TLR5: variants seen among roughly 807,000 people sequenced by gnomAD.
The protein encoded by TLR5 is toll-like receptor 5.
For missense variants in TLR5, 944 were observed against 999.8 expected, an observed-to-expected ratio of 0.94 and a Z score of 0.75; for synonymous variants, 373 against 384.4, an observed-to-expected ratio of 0.97 and a Z score of 0.35.
chr1:223,122,438 G>A (rs2102898947), intron 5 of TLR5, among the ~76,000 whole-genome samples: 1 of 152,298 alleles, frequency 6.6e-6, no homozygotes, highest in South Asian at 2.1e-4. Flanking sequence ...CTTACTCAGT[G>A]GTACCTGGGG....
rs1657947088 is a variant in TLR5 at position 223,143,025 on chromosome 1, G to C, written c.-555+171C>G. The stretch of plus-strand genomic sequence containing the variant: ...CGTCTCGCGGGTGCCGCGGGGCAGA[G>C]AGCGCCGCCTAGTGAGGCGGCGCGA... On this transcript the variant is annotated intron_variant, in intron 1 of 5. Coordinates refer to ENST00000642603, the MANE Select transcript of TLR5 (RefSeq NM_003268.6). 3.3e-5 allele frequency among the ~76,000 whole-genome samples: 5 copies of C among 152,280 alleles called. No homozygotes were observed. The South Asian group carries it at 1.0e-3, about 32-fold the overall frequency.
chr1:223,128,741 T>C (rs1394967326), intron 5 of TLR5: 2 of 151,990 alleles, frequency 1.3e-5, no homozygotes, highest in Non-Finnish European at 2.9e-5. Flanking sequence ...TGCAGGTGAG[T>C]CTTCATTTGC....
chr1:223,140,802 CCAGT>C (rs1047151215), intron 2 of TLR5, among the ~76,000 whole-genome samples: 7 of 152,196 alleles, frequency 4.6e-5, no homozygotes, highest in African/African-American at 9.7e-5. Context: ...TCTTCCTTTC[CCAGT>C]CAGTCTGCAC....
At chr1:223,141,822 T>TAGAGAGAGAGAGAGAG (rs71592351) in intron 1 of TLR5, 59 bp from the exon 2 acceptor site, 1 of 42,986 alleles carries the variant, frequency 2.3e-5, no homozygotes, top group African/African-American at 9.4e-5. Flanking sequence ...TATATATATA[T>TAGAGAGAGAGAGAGAG]AGAGAGAGAG....
chr1:223,110,750 T>C lies in TLR5; in HGVS notation c.2282A>G (p.His761Arg). 2 of 1,614,242 alleles carry C rather than the reference T, an allele frequency of 1.2e-6. No individual in the cohort carries two copies. The highest frequency in any genetic ancestry group is 1.7e-6 in the Non-Finnish European group (2 of 1,180,032). ...AAGGCACCAGCCATCTCTAAGGAAG[T>C]GTCTGCTCACAAGACAAACGATCTT... ...SRKIVCLVSR[H>R]FLRDGWCLEA... The change falls in exon 6 of 6, where the codon CAC (histidine) becomes CGC (arginine). Residue 761 changes from histidine to arginine, a missense_variant. Coordinates refer to ENST00000642603, the MANE Select transcript of TLR5 (RefSeq NM_003268.6).
rs543625990 is a variant in TLR5, at chr1:223,117,184, C to T, written c.-4-4149G>A. On this transcript the variant is annotated intron_variant, in intron 5 of 5. Transcript: ENST00000642603. Reference sequence around the variant, plus strand: ...GTGCTGGGGGACCCGGGGCCCCCTTCGCAGCTCCTGGCCCGGGTGCTAAGC... The same window carrying T: ...GTGCTGGGGGACCCGGGGCCCCCTTTGCAGCTCCTGGCCCGGGTGCTAAGC... Among the ~76,000 whole-genome samples the T allele has an allele frequency of 2.9e-3, 438 of 152,258 alleles. 4 individuals carry two copies. The highest frequency in any genetic ancestry group is 9.4e-3 in the African/African-American group (392 of 41,568).
chr1:223,116,425 T>C (rs965763116), intron 5 of TLR5, among the ~76,000 whole-genome samples: 2 of 152,152 alleles, frequency 1.3e-5, no homozygotes, highest in Admixed American at 1.3e-4. Context: ...TCCGGAGTTG[T>C]TCATTCCTCC....
chr1:223,112,281 T>C lies in TLR5; in HGVS notation c.751A>G (p.Ser251Gly). The change falls in exon 6 of 6, where the codon AGC becomes GGC. Residue 251 changes from serine (S) to glycine (G), a missense_variant. Coordinates refer to ENST00000642603, the MANE Select transcript of TLR5 (RefSeq NM_003268.6). ...DITGNFSNAI[S>G]KSQAFSLILA... ...ATCAAAGAGAAGGCCTGGCTTTTGC[T>C]GATGGCATTGCTAAAGTTTCCTGTG... The C allele has an allele frequency of 6.2e-7, 1 of 1,614,230 alleles. No homozygotes were observed. The highest frequency in any genetic ancestry group is 8.5e-7 in the Non-Finnish European group (1 of 1,180,048).
At chr1:223,115,249 TTTTA>T (rs1180009095) in intron 5 of TLR5, among the ~76,000 whole-genome samples, 1 of 152,170 alleles carries the variant, frequency 6.6e-6, no homozygotes, top group African/African-American at 2.4e-5. Context: ...TCAGGCACTG[TTTTA>T]TTTATTATTT....
At chr1:223,138,771 A>C (rs5744128) in intron 2 of TLR5, among the ~76,000 whole-genome samples, 6 of 152,212 alleles carry the variant, frequency 3.9e-5, no homozygotes, top group Non-Finnish European at 8.8e-5. Context: ...CACCTGCCTC[A>C]TAGGTTTGAA....
At chr1:223,141,820 T>TAGAGAGAGAG (rs1558137187) in intron 1 of TLR5, 57 bp from the exon 2 acceptor site, 1 of 43,888 alleles carries the variant, frequency 2.3e-5, no homozygotes, top group African/African-American at 9.3e-5. Flanking sequence ...TATATATATA[T>TAGAGAGAGAG]ATAGAGAGAG....
intron 5 of TLR5, among the ~76,000 whole-genome samples, chr1:223,116,475 G>A (rs1656654962): frequency 6.6e-6 from 1 of 152,162 alleles, no homozygotes; most frequent in Non-Finnish European, 1.5e-5. Context: ...GAATTAAGCT[G>A]CAGACCTTCA....
chr1:223,141,820 T>TAGAGAG (rs1558137187), intron 1 of TLR5, 57 bp from the exon 2 acceptor site: 4 of 43,894 alleles, frequency 9.1e-5, no homozygotes, highest in Non-Finnish European at 1.3e-4. Context: ...TATATATATA[T>TAGAGAG]ATAGAGAGAG....
At position 223,112,564 on chromosome 1, in the gene TLR5, C is replaced by T; in HGVS notation, c.468G>A (p.Gln156=). The change falls in exon 6 of 6, where the codon CAG becomes CAA. Residue 156 remains glutamine (Q), a synonymous_variant. Transcript: ENST00000642603. The part of the protein sequence containing the change: ...ALTRLDLSKN[Q]IRSLYLHPSF... ...AAGGATGAAGGTAAAGGCTACGAATCTGATTTTTGGATAGATCCAAGCGAG... is the reference window on the plus strand; with the variant it reads ...AAGGATGAAGGTAAAGGCTACGAATTTGATTTTTGGATAGATCCAAGCGAG... 6.2e-7 allele frequency: 1 copy of T among 1,614,204 alleles called. No homozygotes were observed.
At position 223,110,218 on chromosome 1, in the gene TLR5, C is replaced by A. The variant is rs982862115; in HGVS notation, c.*237G>T. 7.2e-6 allele frequency: 4 copies of A among 557,134 alleles called. No individual in the cohort carries two copies. The highest frequency in any genetic ancestry group is 3.8e-5 in the African/African-American group (2 of 53,000). The allele number at this position is 557,134 out of a possible 1,614,324, so 34.5% of individuals were successfully genotyped here. A position where few individuals can be genotyped will look rare whatever the true frequency, so the allele number is the denominator to read the frequency against. ...GGTATTATTGGATCTGAAAGAAAAT[C>A]AATGGAGACTGGAAACCTCTAAGGG... is the stretch of plus-strand genomic sequence containing the variant. On this transcript the variant is annotated 3_prime_UTR_variant, in exon 6 of 6. Coordinates refer to ENST00000642603, the MANE Select transcript of TLR5 (RefSeq NM_003268.6).
rs754099391 is a variant in TLR5 at position 223,110,542 on chromosome 1, A to G, written c.2490T>C (p.His830=). Residue 830 remains histidine, a synonymous_variant, in exon 6 of 6, where the codon CAT becomes CAC. Transcript: ENST00000642603. ...EDLQDVGWFL[H]KLSQQILKKE... ...TCTTTAGTATCTGTTGAGAGAGTTT[A>G]TGAAGAAACCAGCCAACATCCTGGA... is the stretch of plus-strand genomic sequence containing the variant. The G allele has an allele frequency of 3.1e-6, 5 of 1,614,018 alleles. No individual in the cohort carries two copies. Among genetic ancestry groups the G allele is most frequent in the Non-Finnish European group, 4.2e-6 (5 of 1,180,024 alleles).
At chr1:223,123,976 G>A (rs1657052707) in intron 5 of TLR5, 1 of 152,224 alleles carries the variant, frequency 6.6e-6, no homozygotes, top group Admixed American at 6.5e-5. Flanking sequence ...TTGTTAAAAG[G>A]ATGCTAAAAA....
At chr1:223,118,554 GAAAA>G (rs1163862742) in intron 5 of TLR5, among the ~76,000 whole-genome samples, 2 of 145,272 alleles carry the variant, frequency 1.4e-5, no homozygotes, top group Non-Finnish European at 3.0e-5. Flanking sequence ...CTCAAAAAAA[GAAAA>G]AAAGAGTTAT....
At chr1:223,136,420 T>C (rs5744138) in intron 3 of TLR5, among the ~76,000 whole-genome samples, 2,757 of 152,318 alleles carry the variant, frequency 0.018, 87 homozygotes, top group East Asian at 0.092. Flanking sequence ...CTATGGTTGC[T>C]GGCCAGATGA....
Sources: allele counts gnomAD v4.1 joint callset (sites outside exome capture counted in the v4.1 genomes callset), GRCh38; gene constraint gnomAD v4.1.1; transcripts MANE v1.5; gene names NCBI Gene and HGNC (gene_info 2026-07-23, HGNC 2026-07-21).